SHISA9: variants seen among roughly 807,000 people sequenced by gnomAD.
SHISA9 encodes protein shisa-9.
Under a neutral mutation model 38.0 loss-of-function variants are expected in SHISA9, and 13 were observed. That is an observed-to-expected ratio of 0.34 (90% confidence interval 0.22 to 0.54). SHISA9 has a LOEUF of 0.54. Among genes scored for constraint, SHISA9 ranks in the 20% least tolerant of loss-of-function variants. The pLI is 0.91. For synonymous variants in SHISA9, 275 were observed against 242.0 expected, an observed-to-expected ratio of 1.14 and a Z score of -1.27; for missense variants, 538 against 575.8, an observed-to-expected ratio of 0.93 and a Z score of 0.67.
At chr16:13,403,189 A>T in the SHISA9 span, among the ~76,000 whole-genome samples, 90 of 152,090 alleles carry the variant, frequency 5.9e-4, no homozygotes, top group African/African-American at 2.1e-3. Context: ...GACTGAGAAG[A>T]CTAATACGGA....
chr16:12,956,874 T>C (rs1567352111), intron 2 of SHISA9, among the ~76,000 whole-genome samples: 1 of 152,194 alleles, frequency 6.6e-6, no homozygotes. Context: ...AAAATGTGTA[T>C]TTGTGCATTA....
intron 2 of SHISA9, among the ~76,000 whole-genome samples, chr16:13,126,919 T>A (rs1596666590): frequency 2.3e-4 from 16 of 70,454 alleles, no homozygotes; most frequent in South Asian, 4.0e-4. Context: ...AGAGAGAGAC[T>A]GAGGGAAGGA....
At chr16:13,259,817 C>T in the SHISA9 span, among the ~76,000 whole-genome samples, 1 of 151,180 alleles carries the variant, frequency 6.6e-6, no homozygotes, top group African/African-American at 2.4e-5. Context: ...GGGCCCAGCC[C>T]ATGAAACCAT....
the SHISA9 span, among the ~76,000 whole-genome samples, chr16:13,464,211 A>C: frequency 6.6e-6 from 1 of 152,214 alleles, no homozygotes; most frequent in Non-Finnish European, 1.5e-5. Context: ...GCTACCTAGC[A>C]CTTAGGGTTT....
At chr16:13,434,540 C>T in the SHISA9 span, among the ~76,000 whole-genome samples, 1 of 151,166 alleles carries the variant, frequency 6.6e-6, no homozygotes, top group Admixed American at 6.6e-5. Context: ...GCCTCAGCCT[C>T]CCGAGTAGCT....
At chr16:13,035,574 C>T (rs376542880) in intron 2 of SHISA9, among the ~76,000 whole-genome samples, 5 of 151,804 alleles carry the variant, frequency 3.3e-5, no homozygotes, top group East Asian at 1.9e-4. Flanking sequence ...TCTGTCACCC[C>T]GGCTGGAGTG....
the SHISA9 span, among the ~76,000 whole-genome samples, chr16:13,485,784 C>T: frequency 6.6e-6 from 1 of 152,164 alleles, no homozygotes; most frequent in South Asian, 2.1e-4. Context: ...TTTTCTTCAT[C>T]TCTCCACACT....
the SHISA9 span, among the ~76,000 whole-genome samples, chr16:13,409,596 A>C: frequency 6.6e-6 from 1 of 152,324 alleles, no homozygotes; most frequent in South Asian, 2.1e-4. Context: ...CAGCTACACA[A>C]GGGCAGCTTA....
the SHISA9 span, among the ~76,000 whole-genome samples, chr16:13,400,901 T>C: frequency 1.3e-5 from 2 of 152,144 alleles, no homozygotes; most frequent in Non-Finnish European, 2.9e-5. Flanking sequence ...GAGAACCAAA[T>C]AAAGAAAGCA....
chr16:13,139,897 C>T (rs2050384323), intron 2 of SHISA9, among the ~76,000 whole-genome samples: 1 of 152,168 alleles, frequency 6.6e-6, no homozygotes, highest in African/African-American at 2.4e-5. Flanking sequence ...CTGGCTCTGA[C>T]TCAGTTGAGG....
At chr16:13,221,094 A>ACCT (rs2051220139) in intron 4 of SHISA9, among the ~76,000 whole-genome samples, 1 of 152,076 alleles carries the variant, frequency 6.6e-6, no homozygotes, top group African/African-American at 2.4e-5. Context: ...AGACTAAAAA[A>ACCT]GGGCCAGGCT....
the SHISA9 span, among the ~76,000 whole-genome samples, chr16:13,393,720 T>C: frequency 1.3e-4 from 20 of 152,172 alleles, no homozygotes; most frequent in East Asian, 2.3e-3. Flanking sequence ...GGGACTCTGA[T>C]GACCATGAGT....
chr16:13,064,911 G>A (rs1307244431), intron 2 of SHISA9, among the ~76,000 whole-genome samples: 1 of 152,126 alleles, frequency 6.6e-6, no homozygotes, highest in African/African-American at 2.4e-5. Flanking sequence ...TTGGGGAGGG[G>A]CAGCCTCACT....
the SHISA9 span, among the ~76,000 whole-genome samples, chr16:13,558,062 AC>A: frequency 8.0e-3 from 1,211 of 152,238 alleles, 13 homozygotes; most frequent in African/African-American, 0.028. Context: ...AAAAAATTAA[AC>A]TAAAAGTTGA....
the SHISA9 span, among the ~76,000 whole-genome samples, chr16:13,410,591 G>A: frequency 1.3e-5 from 2 of 152,020 alleles, no homozygotes; most frequent in Admixed American, 1.3e-4. Context: ...CTACAGTTTC[G>A]AAAATATGCC....
chr16:13,313,262 A>AAAAC, the SHISA9 span, among the ~76,000 whole-genome samples: 1 of 140,698 alleles, frequency 7.1e-6, no homozygotes, highest in Non-Finnish European at 1.5e-5. Flanking sequence ...CTCAAAAAAA[A>AAAAC]AAAAAAAAAA....
At chr16:13,434,054 G>A in the SHISA9 span, among the ~76,000 whole-genome samples, 1 of 152,150 alleles carries the variant, frequency 6.6e-6, no homozygotes, top group African/African-American at 2.4e-5. Context: ...CTCAAAAGTA[G>A]GGAAGCCAAC....
intron 2 of SHISA9, among the ~76,000 whole-genome samples, chr16:12,970,399 A>ATG (rs1555504250): frequency 3.9e-4 from 2 of 5,090 alleles, no homozygotes; most frequent in Non-Finnish European, 8.4e-4. Flanking sequence ...GTATATATAT[A>ATG]TATACATATA....
chr16:13,184,844 A>C (rs1215390450), intron 2 of SHISA9, among the ~76,000 whole-genome samples: 1 of 152,240 alleles, frequency 6.6e-6, no homozygotes, highest in African/African-American at 2.4e-5. Flanking sequence ...TCACCATTGA[A>C]GGATATTTGT....
Sources: gnomAD v4.1 joint callset for allele counts (sites outside exome capture counted in the v4.1 genomes callset) on GRCh38, gnomAD v4.1.1 for gene constraint, MANE v1.5 for transcripts, NCBI Gene and HGNC (gene_info 2026-07-23, HGNC 2026-07-21) for gene names.